The following CRAMP1 variants were observed in gnomAD, a reference collection of about 807,000 sequenced individuals.
CRAMP1 encodes the protein cramped chromatin regulator 1.
CRAMP1 carries 50 observed loss-of-function variants against 115.4 expected under a neutral mutation model. The ratio of observed to expected loss-of-function variants is 0.43; its 90% CI spans 0.35 to 0.55. CRAMP1 has a LOEUF of 0.55. CRAMP1 is among the 20% of genes least tolerant of loss of function. CRAMP1 has a pLI of 0.01. For synonymous variants in CRAMP1, 866 were observed against 745.4 expected, an observed-to-expected ratio of 1.16 and a Z score of -2.64; for missense variants, 1,679 against 1,721.7, an observed-to-expected ratio of 0.98 and a Z score of 0.44.
intron 4 of CRAMP1, 46 bp from the exon 5 acceptor site, chr16:1,637,778 G>A (rs183729463): frequency 5.5e-5 from 55 of 998,814 alleles, no homozygotes; most frequent in Non-Finnish European, 6.7e-5. Flanking sequence ...GCCAGGCAGC[G>A]CCTCCTGTTC....
At chr16:1,641,831 TG>T (rs914700053) in intron 6 of CRAMP1, among the ~76,000 whole-genome samples, 18 of 150,384 alleles carry the variant, frequency 1.2e-4, no homozygotes, top group Admixed American at 5.3e-4. Context: ...CGCCACAGCC[TG>T]GGGGGGTTCC....
chr16:1,638,906 CA>C (rs1314825022), intron 5 of CRAMP1, among the ~76,000 whole-genome samples: 2 of 151,948 alleles, frequency 1.3e-5, no homozygotes, highest in Non-Finnish European at 2.9e-5. Context: ...TGCACTTCCC[CA>C]CTGGGTCTGT....
intron 17 of CRAMP1, among the ~76,000 whole-genome samples, chr16:1,667,649 C>T (rs1011526182): frequency 2.7e-5 from 4 of 145,900 alleles, no homozygotes; most frequent in African/African-American, 9.8e-5. Context: ...AAGAACTTAG[C>T]GCTCTGGAAG....
chr16:1,632,971 G>C (rs7196996), intron 4 of CRAMP1, among the ~76,000 whole-genome samples: 24,277 of 152,154 alleles, frequency 0.16, 2,798 homozygotes, highest in African/African-American at 0.31. Context: ...CTCCGCCTAT[G>C]AGAACTACCT....
rs1596501313 is a variant in CRAMP1 at position 1,674,206 on chromosome 16, A to G, written c.*161A>G. 2 of 687,286 alleles carry G rather than the reference A, an allele frequency of 2.9e-6. No individual in the cohort carries two copies. Among genetic ancestry groups the G allele is most frequent in the Non-Finnish European group, 4.8e-6 (2 of 415,934 alleles). 42.6% of individuals were successfully genotyped at this position (687,286 alleles called of 1,614,324 possible). ...GCTGCTTCCCCACGAGCAGCAGGCA[A>G]CGGCGTCCAAGGAGACTAGGATGAG... On this transcript the variant is annotated 3_prime_UTR_variant, in exon 21 of 21. Transcript: ENST00000397412.
chr16:1,673,731 G>C (rs2036942797), intron 20 of CRAMP1, 150 bp from the exon 21 acceptor site: 1 of 684,134 alleles, frequency 1.5e-6, no homozygotes, highest in Admixed American at 2.5e-5. Flanking sequence ...AGGTGATTGT[G>C]ATTCTGCACA....
chr16:1,634,872 A>G (rs767488493), intron 4 of CRAMP1, among the ~76,000 whole-genome samples: 21 of 152,104 alleles, frequency 1.4e-4, no homozygotes, highest in South Asian at 4.2e-4. Flanking sequence ...TTCACGTTAC[A>G]TGTATTTTTG....
rs2036840660 is a variant in CRAMP1 at position 1,662,473 on chromosome 16, C to T, written c.2414-17C>T. 15 of 1,602,828 alleles carry T rather than the reference C, an allele frequency of 9.4e-6. No individual in the cohort carries two copies. Among genetic ancestry groups the T allele is most frequent in the Non-Finnish European group, 1.3e-5 (15 of 1,170,238 alleles). On this transcript the variant is annotated splice_polypyrimidine_tract_variant and intron_variant, in intron 11 of 20. Transcript: ENST00000397412. ...AGGTGAATGCTGTCACACTGATTCT[C>T]TCCTCTCCTCTCCCAGGTTTGAGAA...
intron 13 of CRAMP1, 47 bp downstream of exon 13, chr16:1,662,882 A>G (rs761230755): frequency 2.7e-6 from 4 of 1,471,092 alleles, no homozygotes; most frequent in South Asian, 2.3e-5. Flanking sequence ...GGCTGGGCCA[A>G]CCAGGACACA....
At chr16:1,655,736 T>C (rs977056007) in intron 9 of CRAMP1, 141 bp from the exon 10 acceptor site, 2 of 891,110 alleles carry the variant, frequency 2.2e-6, no homozygotes, top group African/African-American at 1.7e-5. Context: ...GGTAGTGGTG[T>C]GAGGAAAGCC....
intron 13 of CRAMP1, 79 bp downstream of exon 13, chr16:1,662,914 T>G: frequency 8.8e-7 from 1 of 1,134,098 alleles, no homozygotes; most frequent in East Asian, 2.5e-5. Flanking sequence ...CTCTCTCACA[T>G]TTTCATGGTG....
At chr16:1,616,586 G>A (rs1013651258) in intron 2 of CRAMP1, among the ~76,000 whole-genome samples, 8 of 152,190 alleles carry the variant, frequency 5.3e-5, no homozygotes, top group African/African-American at 1.7e-4. Context: ...GGGACGAGGG[G>A]AGGCTTGCTT....
At position 1,666,707 on chromosome 16, in the gene CRAMP1, G is replaced by C. The variant is rs543318798; in HGVS notation, c.3036+107G>C. On this transcript the variant is annotated intron_variant, in intron 16 of 20. Coordinates refer to ENST00000397412, the MANE Select transcript of CRAMP1 (RefSeq NM_020825.4). This position sits in a 1 kb window ranked among gnomAD's most constrained non-coding sequence, Gnocchi z 5.0. Reference sequence around the variant, plus strand: ...GGACTCCAGCTCTGCCTTTGGAGGAGAGTCTCTGGACCAGGGGTGCCATGG... The same window carrying C: ...GGACTCCAGCTCTGCCTTTGGAGGACAGTCTCTGGACCAGGGGTGCCATGG... 3.9e-5 allele frequency: 42 copies of C among 1,068,908 alleles called. No homozygotes were observed. In the African/African-American group the frequency reaches 5.9e-4, roughly 15 times the overall value. 66.2% of individuals were successfully genotyped at this position (1,068,908 alleles called of 1,614,324 possible). A position where few individuals can be genotyped will look rare whatever the true frequency, so the allele number is the denominator to read the frequency against.
In CRAMP1 at chr16:1,614,117, G is replaced by A. The variant is rs2036393233; in HGVS notation, c.-1-522G>A. 6.7e-6 allele frequency among the ~76,000 whole-genome samples: 1 copy of A among 148,578 alleles called. No individual in the cohort carries two copies. Among genetic ancestry groups the A allele is most frequent in the African/African-American group, 2.4e-5 (1 of 40,834 alleles). ...CCCGGGAGCCCCGCGCCTTTCGGGG[G>A]GCGGGGAGGGGGTGGGACGAGGGGC... On this transcript the variant is annotated intron_variant, in intron 1 of 20. Coordinates refer to ENST00000397412, the MANE Select transcript of CRAMP1 (RefSeq NM_020825.4). The surrounding 1 kb of genome is among the most constrained non-coding windows in gnomAD (Gnocchi z 4.4).
At chr16:1,653,923 C>CCT (rs1164815184) in intron 8 of CRAMP1, among the ~76,000 whole-genome samples, 1 of 151,564 alleles carries the variant, frequency 6.6e-6, no homozygotes, top group Non-Finnish European at 1.5e-5. Flanking sequence ...AGGTGGATCA[C>CCT]GAGGTTAGGA....
At chr16:1,668,765 T>C (rs945594121) in intron 18 of CRAMP1, among the ~76,000 whole-genome samples, 1 of 152,188 alleles carries the variant, frequency 6.6e-6, no homozygotes, top group African/African-American at 2.4e-5. Flanking sequence ...TGCCGTGAGA[T>C]GACTCATGTG....
At chr16:1,623,048 C>T (rs954185510) in intron 2 of CRAMP1, among the ~76,000 whole-genome samples, 2 of 152,148 alleles carry the variant, frequency 1.3e-5, no homozygotes, top group Non-Finnish European at 2.9e-5. Context: ...AGGCGCCCAC[C>T]ACCACGCCCG....
At chr16:1,665,815 G>T (rs116805560) in intron 14 of CRAMP1, 3 of 480,010 alleles carry the variant, frequency 6.2e-6, no homozygotes, top group East Asian at 3.6e-5. Context: ...AGCCATTTCC[G>T]CAGGATGACA....
At chr16:1,661,093 AC>A (rs1223176306) in intron 11 of CRAMP1, among the ~76,000 whole-genome samples, 1 of 152,204 alleles carries the variant, frequency 6.6e-6, no homozygotes, top group Non-Finnish European at 1.5e-5. Flanking sequence ...ACCTTGGGAA[AC>A]CAAGGCAAGA....
Sources: allele counts gnomAD v4.1 joint callset (sites outside exome capture counted in the v4.1 genomes callset), GRCh38; gene constraint gnomAD v4.1.1; non-coding constraint Gnocchi (gnomAD v3.1); transcripts MANE v1.5; gene names NCBI Gene and HGNC (gene_info 2026-07-23, HGNC 2026-07-21).